The following BRPF1 variants were observed in gnomAD, a reference collection of about 807,000 sequenced individuals.
BRPF1 encodes bromodomain and PHD finger containing 1.
In BRPF1, 15 loss-of-function variants were observed where a neutral mutation model predicts 115.0. The observed-to-expected ratio is 0.13, with a 90% CI of 0.09 to 0.20. BRPF1 has a LOEUF of 0.20. Ranked by LOEUF, BRPF1 falls within the 10% of genes least tolerant of loss-of-function variation. The probability of loss-of-function intolerance (pLI) is 1.00; values close to 1 mark genes in which losing one functional copy is unlikely to be tolerated. For synonymous variants in BRPF1, 647 were observed against 619.8 expected (o/e 1.04, Z -0.65); for missense variants, 1,118 against 1,638.3 (o/e 0.68, Z 5.48).
At chr3:9,733,032 A>G (rs2076881030) in intron 1 of BRPF1, 1 of 152,198 alleles carries the variant, frequency 6.6e-6, no homozygotes, top group Non-Finnish European at 1.5e-5. Context: ...GAGCATGCCT[A>G]GATTGTCGCG....
rs1417721734 is a variant in BRPF1 at position 9,739,359 on chromosome 3, C to T, written c.960C>T (p.Cys320=). Residue 320 remains cysteine, a synonymous_variant, in exon 3 of 14, where the codon TGC becomes TGT. Coordinates refer to ENST00000383829, the MANE Select transcript of BRPF1 (RefSeq NM_001003694.2). ...IPEGQWLCRR[C]LQSPSRAVDC... ...AGGGCCAGTGGCTGTGCCGCCGTTG[C>T]CTGCAGTCACCCTCTCGTGCTGTGG... 5 of 1,614,186 alleles carry T rather than the reference C, an allele frequency of 3.1e-6. No individual in the cohort carries two copies. Among genetic ancestry groups the T allele is most frequent in the Non-Finnish European group, 4.2e-6 (5 of 1,180,036 alleles).
chr3:9,740,872 G>C lies in BRPF1; in HGVS notation c.1653G>C (p.Arg551=). Reference sequence around the variant, plus strand: ...ACTGGACACTGAAGCGGCAGTCACGGAATGGGGTCCCATTGCTACGTCGCC... The same window carrying C: ...ACTGGACACTGAAGCGGCAGTCACGCAATGGGGTCCCATTGCTACGTCGCC... ...HSYWTLKRQS[R]NGVPLLRRLQ... The change falls in exon 4 of 14, where the codon CGG becomes CGC. Residue 551 remains arginine, a synonymous_variant. Transcript: ENST00000383829. 1 of 1,614,088 alleles carries C rather than the reference G, an allele frequency of 6.2e-7. No homozygotes were observed. The highest frequency in any genetic ancestry group is 8.5e-7 in the Non-Finnish European group (1 of 1,180,046).
chr3:9,738,125 G>A (rs1427175328), intron 2 of BRPF1, among the ~76,000 whole-genome samples: 1 of 152,136 alleles, frequency 6.6e-6, no homozygotes, highest in Non-Finnish European at 1.5e-5. Flanking sequence ...TTCTCTGTGT[G>A]ACAAGCACCG....
In BRPF1 at chr3:9,745,151, A is replaced by T; in HGVS notation, c.3064A>T (p.Thr1022Ser). ...CAGTAGCAGCGCTGCTTCAGACCGGACCAGGTACCAGCCCTCCAGATCGAG... is the reference window on the plus strand; with the variant it reads ...CAGTAGCAGCGCTGCTTCAGACCGGTCCAGGTACCAGCCCTCCAGATCGAG... Reference protein sequence around the residue: ...SSSSSAASDRTSTTPSKQGRG... With the variant: ...SSSSSAASDRSSTTPSKQGRG... The change falls in exon 10 of 14, where the codon ACC becomes TCC. Residue 1022 changes from threonine (T) to serine (S), a missense_variant. Around this residue, in one of 10 missense-constraint regions of BRPF1, gnomAD observed 100 missense variants for 109.9 expected, o/e 0.91. Coordinates refer to ENST00000383829, the MANE Select transcript of BRPF1 (RefSeq NM_001003694.2). The surrounding 1 kb of genome is among the most constrained non-coding windows in gnomAD (Gnocchi z 5.1). The T allele has an allele frequency of 6.2e-7, 1 of 1,613,948 alleles. No individual in the cohort carries two copies. The highest frequency in any genetic ancestry group is 1.7e-4 in the Middle Eastern group (1 of 6,018).
rs753740993 is a variant in BRPF1 at position 9,747,873 on chromosome 3, TAAAAAAAAA to T, written c.*534_*542del. 2 of 117,386 alleles carry T rather than the reference TAAAAAAAAA, an allele frequency of 1.7e-5. No individual in the cohort carries two copies. Among genetic ancestry groups the T allele is most frequent in the Non-Finnish European group, 3.6e-5 (2 of 55,384 alleles). The allele number at this position is 117,386 out of a possible 1,614,324, so 7.3% of individuals were successfully genotyped here. On this transcript the variant is annotated 3_prime_UTR_variant, in exon 14 of 14. Coordinates refer to ENST00000383829, the MANE Select transcript of BRPF1 (RefSeq NM_001003694.2). This position sits in a 1 kb window ranked among gnomAD's most constrained non-coding sequence, Gnocchi z 5.6. ...GGGTCGCGCCAGAGTCATTTGGTAC[TAAAAAAAAA>T]AAAAAAAAAGACTGGGGGCTGTCCC...
At position 9,746,468 on chromosome 3, in the gene BRPF1, C is replaced by A. The variant is rs774189395; in HGVS notation, c.3479+14C>A. 6.4e-7 allele frequency: 1 copy of A among 1,552,956 alleles called. No individual in the cohort carries two copies. The highest frequency in any genetic ancestry group is 2.3e-5 in the East Asian group (1 of 43,284). On this transcript the variant is annotated intron_variant, in intron 13 of 13. Coordinates refer to ENST00000383829, the MANE Select transcript of BRPF1 (RefSeq NM_001003694.2). ...CAAACGAACCTGGTAAGGAGGGGAG[C>A]ATTTGGTGTGACTCACAGCCACAGA...
In BRPF1 at chr3:9,747,116, G is replaced by C; in HGVS notation, c.3480-50G>C. On this transcript the variant is annotated intron_variant, in intron 13 of 13. Coordinates refer to ENST00000383829, the MANE Select transcript of BRPF1 (RefSeq NM_001003694.2). The surrounding 1 kb of genome is among the most constrained non-coding windows in gnomAD (Gnocchi z 5.6). Reference sequence around the variant, plus strand: ...TTGAGTGAATAGAGGAGGAAGGCTGGTCCTTGTTCTCCCTGAGATGATTTA... The same window carrying C: ...TTGAGTGAATAGAGGAGGAAGGCTGCTCCTTGTTCTCCCTGAGATGATTTA... 1 of 1,602,410 alleles carries C rather than the reference G, an allele frequency of 6.2e-7. No individual in the cohort carries two copies. Among genetic ancestry groups the C allele is most frequent in the African/African-American group, 1.3e-5 (1 of 74,816 alleles).
Position 9,743,277 on chromosome 3 carries a change from T to C in BRPF1, c.2311+24T>C, listed in dbSNP as rs2077062779. 1.3e-6 allele frequency: 2 copies of C among 1,596,792 alleles called. No individual in the cohort carries two copies. Among genetic ancestry groups the C allele is most frequent in the South Asian group, 1.1e-5 (1 of 89,580 alleles). The stretch of plus-strand genomic sequence containing the variant: ...TGGTGGGTGATATATCACACACACA[T>C]ATAAGAGGCCAATGCCGGGGATGGA... On this transcript the variant is annotated intron_variant, in intron 7 of 13. Transcript: ENST00000383829. The surrounding 1 kb of genome is among the most constrained non-coding windows in gnomAD (Gnocchi z 6.1).
chr3:9,733,293 A>T (rs753649556), intron 1 of BRPF1: 1 of 152,216 alleles, frequency 6.6e-6, no homozygotes, highest in Non-Finnish European at 1.5e-5. Flanking sequence ...CCACCCACCC[A>T]TTCAGCTTTC....
Position 9,743,125 on chromosome 3 carries a change from G to A in BRPF1, c.2183G>A (p.Arg728His), listed in dbSNP as rs775995833. The A allele has an allele frequency of 3.7e-5, 60 of 1,614,114 alleles. No homozygotes were observed. The highest frequency in any genetic ancestry group is 1.3e-4 in the African/African-American group (10 of 74,940). The change falls in exon 7 of 14, where the codon CGT (arginine) becomes CAT (histidine). Residue 728 changes from arginine (R) to histidine (H), a missense_variant. Coordinates refer to ENST00000383829, the MANE Select transcript of BRPF1 (RefSeq NM_001003694.2). The surrounding 1 kb of genome is among the most constrained non-coding windows in gnomAD (Gnocchi z 6.1). ...TIFYRAAVRL[R>H]EQGGAVLRQA... ...TTCTACCGGGCAGCAGTGCGGCTTC[G>A]TGAGCAGGGTGGTGCTGTGCTCCGC...
Position 9,743,775 on chromosome 3 carries a change from C to T in BRPF1, c.2509C>T (p.Arg837Cys), listed in dbSNP as rs147641228. The T allele has an allele frequency of 3.0e-5, 48 of 1,614,034 alleles. No homozygotes were observed. In the Middle Eastern group the frequency reaches 6.6e-4, roughly 22 times the overall value. ...GCTTGCCCATCAGCGAGAGACGGGA[C>T]GTGATGGCCCTGAGCGGCATGGCCC... ...RKLAHQRETG[R>C]DGPERHGPSS... Residue 837 changes from arginine (R) to cysteine (C), a missense_variant, in exon 8 of 14, where the codon CGT (arginine) becomes TGT (cysteine). Around this residue, in one of 10 missense-constraint regions of BRPF1, gnomAD observed 223 missense variants for 240.7 expected, o/e 0.93. Coordinates refer to ENST00000383829, the MANE Select transcript of BRPF1 (RefSeq NM_001003694.2). This position sits in a 1 kb window ranked among gnomAD's most constrained non-coding sequence, Gnocchi z 6.1.
intron 3 of BRPF1, 96 bp from the exon 4 acceptor site, chr3:9,740,683 C>T: frequency 6.9e-7 from 1 of 1,456,394 alleles, no homozygotes; most frequent in Non-Finnish European, 9.5e-7. Flanking sequence ...CCTCTCCCTT[C>T]ATCCCCATTC....
chr3:9,737,706 C>T (rs919777775), intron 2 of BRPF1, among the ~76,000 whole-genome samples: 1 of 152,254 alleles, frequency 6.6e-6, no homozygotes. Context: ...CATATTTGCA[C>T]ACGTCTGTAT....
chr3:9,746,490 C>G, intron 13 of BRPF1, 36 bp downstream of exon 13: 1 of 1,527,510 alleles, frequency 6.5e-7, no homozygotes. Context: ...CTCACAGCCA[C>G]AGATGCAGCC....
At chr3:9,744,009 G>A in intron 8 of BRPF1, 108 bp downstream of exon 8, 2 of 1,376,282 alleles carry the variant, frequency 1.5e-6, no homozygotes, top group Admixed American at 2.6e-5. Flanking sequence ...TACACAGCTA[G>A]CTGTACTTTC....
At chr3:9,741,509 C>T (rs1156437584) in intron 5 of BRPF1, 70 bp downstream of exon 5, 69 of 1,439,134 alleles carry the variant, frequency 4.8e-5, no homozygotes, top group Admixed American at 1.2e-4. Flanking sequence ...TGGTGGCAGG[C>T]GCCTGTAGTC....
intron 3 of BRPF1, among the ~76,000 whole-genome samples, chr3:9,740,365 GGC>G (rs1242389368): frequency 6.6e-6 from 1 of 152,202 alleles, no homozygotes; most frequent in Non-Finnish European, 1.5e-5. Context: ...GGGCTGTGAT[GGC>G]CAGGGATTTT....
rs549481916 is a variant in BRPF1, at chr3:9,734,551, G to A, written c.411G>A (p.Glu137=). 2.0e-5 allele frequency: 32 copies of A among 1,614,130 alleles called. No homozygotes were observed. In the South Asian group the frequency reaches 2.5e-4, roughly 13 times the overall value. Residue 137 remains glutamate (E), a synonymous_variant, in exon 2 of 14, where the codon GAG becomes GAA. Coordinates refer to ENST00000383829, the MANE Select transcript of BRPF1 (RefSeq NM_001003694.2). The surrounding 1 kb of genome is among the most constrained non-coding windows in gnomAD (Gnocchi z 5.7). ...EEAPENGSNK[E]NTETPAATPK... ...CCCCTGAGAATGGCAGCAACAAGGA[G>A]AACACTGAGACACCAGCTGCTACTC...
In BRPF1 at chr3:9,743,558, C is replaced by T. The variant is rs563162302; in HGVS notation, c.2312-20C>T. On this transcript the variant is annotated intron_variant, in intron 7 of 13. Coordinates refer to ENST00000383829, the MANE Select transcript of BRPF1 (RefSeq NM_001003694.2). This position sits in a 1 kb window ranked among gnomAD's most constrained non-coding sequence, Gnocchi z 6.1. ...AGGGCTGCCCTGAGTCTGACCTTTCCCCTCCAACCCTACCCCTAGCAGCCG... is the reference window on the plus strand; with the variant it reads ...AGGGCTGCCCTGAGTCTGACCTTTCTCCTCCAACCCTACCCCTAGCAGCCG... 1.9e-4 allele frequency: 302 copies of T among 1,601,222 alleles called. 1 individual carries two copies. The South Asian group carries it at 2.7e-3, about 14-fold the overall frequency.
Sources: gnomAD v4.1 joint callset for allele counts (sites outside exome capture counted in the v4.1 genomes callset) on GRCh38, gnomAD v4.1.1 for gene constraint, gnomAD v4.1.1 regional missense constraint, Gnocchi (gnomAD v3.1) non-coding constraint, MANE v1.5 for transcripts, NCBI Gene and HGNC (gene_info 2026-07-23, HGNC 2026-07-21) for gene names.